The following ZYG11A variants were observed in gnomAD, a reference collection of about 807,000 sequenced individuals.
The protein encoded by ZYG11A is protein zyg-11 homolog A.
In ZYG11A, 62 loss-of-function variants were observed where a neutral mutation model predicts 77.2. The observed-to-expected ratio is 0.80, with a 90% CI of 0.65 to 0.99. The LOEUF is 0.99. ZYG11A is among the 50% of genes least tolerant of loss of function. The pLI is 0.00. For missense variants in ZYG11A, 828 were observed against 896.8 expected (o/e 0.92, Z 0.98); for synonymous variants, 315 against 324.6 (o/e 0.97, Z 0.32).
At position 52,877,669 on chromosome 1, in the gene ZYG11A, C is replaced by G. The variant is rs1446053641; in HGVS notation, c.1543-13C>G. The G allele has an allele frequency of 7.1e-6, 11 of 1,543,588 alleles. No individual in the cohort carries two copies. In the African/African-American group the frequency reaches 1.5e-4, roughly 21 times the overall value. Reference sequence around the variant, plus strand: ...AGAGCATCTAACTCCCTCCCTGTCTCTTTGGTTTTTAGGAACTTCTAGCAA... The same window carrying G: ...AGAGCATCTAACTCCCTCCCTGTCTGTTTGGTTTTTAGGAACTTCTAGCAA... On this transcript the variant is annotated splice_polypyrimidine_tract_variant and intron_variant, in intron 8 of 13. Transcript: ENST00000371528.
chr1:52,867,765 C>T lies in ZYG11A; in HGVS notation c.1530C>T (p.Phe510=), dbSNP rs1489942773. ...PEQTAQLEEL[F]MAVKELLAIV... is the part of the protein sequence containing the mutation. ...AAACGGCACAGCTTGAAGAGCTTTT[C>T]ATGGCAGTTAAGGTAGGTTCCTTGT... Residue 510 remains phenylalanine (F), a synonymous_variant, in exon 8 of 14, where the codon TTC becomes TTT. Transcript: ENST00000371528. The T allele has an allele frequency of 6.4e-7, 1 of 1,551,350 alleles. No homozygotes were observed.
intron 6 of ZYG11A, among the ~76,000 whole-genome samples, chr1:52,866,769 G>A (rs1409211852): frequency 6.6e-6 from 1 of 152,078 alleles, no homozygotes; most frequent in Admixed American, 6.6e-5. Context: ...AACAGGCTCC[G>A]AGAGCCAAAC....
At chr1:52,874,029 T>C (rs953226930) in intron 8 of ZYG11A, among the ~76,000 whole-genome samples, 4 of 144,128 alleles carry the variant, frequency 2.8e-5, no homozygotes, top group African/African-American at 9.8e-5. Flanking sequence ...ACGAAGTTCT[T>C]TCTTGAAAGG....
At chr1:52,867,511 T>G (rs1646047874) in intron 6 of ZYG11A, 28 bp from the exon 7 acceptor site, 2 of 1,436,098 alleles carry the variant, frequency 1.4e-6, no homozygotes, top group Non-Finnish European at 1.9e-6. Flanking sequence ...TATATATAAT[T>G]GTGAGAAAAA....
chr1:52,878,949 CAAAAAAAAAAA>C (rs914463472), intron 10 of ZYG11A, among the ~76,000 whole-genome samples: 12 of 27,260 alleles, frequency 4.4e-4, no homozygotes, highest in South Asian at 2.0e-3. Flanking sequence ...AAACTCTGCT[CAAAAAAAAAAA>C]AAAAAAAAAA....
intron 2 of ZYG11A, among the ~76,000 whole-genome samples, chr1:52,855,448 C>T (rs1368808262): frequency 6.6e-6 from 1 of 152,238 alleles, no homozygotes; most frequent in South Asian, 2.1e-4. Flanking sequence ...CCTCGGCCTC[C>T]CAAAGTGCTG....
chr1:52,859,344 TA>T (rs2149997326), intron 3 of ZYG11A, among the ~76,000 whole-genome samples: 1 of 152,148 alleles, frequency 6.6e-6, no homozygotes, highest in African/African-American at 2.4e-5. Flanking sequence ...CTTTATTTTT[TA>T]TTTTTTTTGA....
chr1:52,847,810 C>T (rs1645621807), intron 1 of ZYG11A, among the ~76,000 whole-genome samples: 1 of 148,108 alleles, frequency 6.8e-6, no homozygotes, highest in Non-Finnish European at 1.5e-5. Flanking sequence ...GCTGGGACTA[C>T]AGGTGTGTGC....
rs1645826134 is a variant in ZYG11A, at chr1:52,857,071, A to G, written c.330A>G (p.Lys110=). The change falls in exon 3 of 14, where the codon AAA becomes AAG. Residue 110 remains lysine, a synonymous_variant. Coordinates refer to ENST00000371528, the MANE Select transcript of ZYG11A (RefSeq NM_001004339.3). ...QMKLKLVNIQ[K]AKISTAAFIK... is the part of the protein sequence containing the mutation. ...AACTGAAGCTGGTCAATATCCAAAA[A>G]GCTAAAATCTCTACAGCTGCATTCA... is the stretch of plus-strand genomic sequence containing the variant. 6.4e-7 allele frequency: 1 copy of G among 1,551,070 alleles called. No individual in the cohort carries two copies. Among genetic ancestry groups the G allele is most frequent in the South Asian group, 1.2e-5 (1 of 83,984 alleles).
intron 12 of ZYG11A, among the ~76,000 whole-genome samples, chr1:52,886,737 G>C (rs1293944647): frequency 6.9e-5 from 8 of 115,640 alleles, no homozygotes; most frequent in African/African-American, 2.7e-4. Context: ...TGTAGAGACG[G>C]GGGCTCACCT....
At chr1:52,866,622 C>T (rs1646031816) in intron 6 of ZYG11A, 55 bp downstream of exon 6, 2 of 1,052,758 alleles carry the variant, frequency 1.9e-6, no homozygotes, top group Non-Finnish European at 2.9e-6. Flanking sequence ...TTATTAAATG[C>T]AGAGGCCTGA....
intron 8 of ZYG11A, among the ~76,000 whole-genome samples, chr1:52,869,912 A>ACC (rs756560001): frequency 9.0e-6 from 1 of 111,126 alleles, no homozygotes; most frequent in African/African-American, 3.7e-5. Flanking sequence ...CAGGGGGCTG[A>ACC]CCCCCCCCAC....
chr1:52,870,562 C>A (rs12718419), intron 8 of ZYG11A, among the ~76,000 whole-genome samples: 4 of 152,148 alleles, frequency 2.6e-5, no homozygotes, highest in South Asian at 2.1e-4. Context: ...GCACCCCAGC[C>A]TGGGCACCAT....
At position 52,893,407 on chromosome 1, in the gene ZYG11A, A is replaced by C. The variant is rs925806613; in HGVS notation, c.*450A>C. 2 of 156,988 alleles carry C rather than the reference A, an allele frequency of 1.3e-5. No individual in the cohort carries two copies. Among genetic ancestry groups the C allele is most frequent in the African/African-American group, 4.8e-5 (2 of 41,478 alleles). 9.7% of individuals were successfully genotyped at this position (156,988 alleles called of 1,614,324 possible). On this transcript the variant is annotated 3_prime_UTR_variant, in exon 14 of 14. Coordinates refer to ENST00000371528, the MANE Select transcript of ZYG11A (RefSeq NM_001004339.3). ...GAAAAGCTTGGGAAGCATATGCTTCAAAATGTAGTGTTTAGAAGGCAGAAC... is the reference window on the plus strand; with the variant it reads ...GAAAAGCTTGGGAAGCATATGCTTCCAAATGTAGTGTTTAGAAGGCAGAAC...
rs1645833102 is a variant in ZYG11A, at chr1:52,857,354, C to T, written c.613C>T (p.Pro205Ser). ...AGACCTGGCTAATGTTTCTCAGTTACCAAGACTGGAAAGCTTAGATATCTC... is the reference window on the plus strand; with the variant it reads ...AGACCTGGCTAATGTTTCTCAGTTATCAAGACTGGAAAGCTTAGATATCTC... ...TEDLANVSQL[P>S]RLESLDISNT... The change falls in exon 3 of 14, where the codon CCA becomes TCA. Residue 205 changes from proline to serine, a missense_variant. Physicochemically the swap from Pro to Ser is moderately conservative, Grantham distance 74. Coordinates refer to ENST00000371528, the MANE Select transcript of ZYG11A (RefSeq NM_001004339.3). 1 of 1,551,760 alleles carries T rather than the reference C, an allele frequency of 6.4e-7. No homozygotes were observed. Among genetic ancestry groups the T allele is most frequent in the Non-Finnish European group, 8.7e-7 (1 of 1,147,010 alleles).
chr1:52,881,369 C>G, intron 10 of ZYG11A, 102 bp from the exon 11 acceptor site: 1 of 814,800 alleles, frequency 1.2e-6, no homozygotes, highest in Non-Finnish European at 1.9e-6. Context: ...AATAAGAGTT[C>G]TGAATTTATC....
chr1:52,846,313 TATA>T, intron 1 of ZYG11A, among the ~76,000 whole-genome samples: 1 of 1,712 alleles, frequency 5.8e-4, no homozygotes, highest in East Asian at 4.0e-3. Context: ...TAAATTTTTA[TATA>T]TATATATATA....
chr1:52,882,446 G>A (rs1271652648), intron 11 of ZYG11A, among the ~76,000 whole-genome samples: 2 of 152,170 alleles, frequency 1.3e-5, no homozygotes, highest in African/African-American at 4.8e-5. Context: ...ATGGTGGACT[G>A]CTGTCATCCT....
intron 8 of ZYG11A, among the ~76,000 whole-genome samples, chr1:52,869,270 C>G (rs148137984): frequency 3.7e-5 from 2 of 54,188 alleles, no homozygotes; most frequent in Admixed American, 2.2e-4. Context: ...CTTTATTGAT[C>G]ATTCTTGGGT....
Sources: allele counts gnomAD v4.1 joint callset (sites outside exome capture counted in the v4.1 genomes callset), GRCh38; gene constraint gnomAD v4.1.1; transcripts MANE v1.5; gene names NCBI Gene and HGNC (gene_info 2026-07-23, HGNC 2026-07-21).